The following GRM8 variants were observed in gnomAD, a reference collection of about 807,000 sequenced individuals.
GRM8 encodes metabotropic glutamate receptor 8.
Under a neutral mutation model 87.2 loss-of-function variants are expected in GRM8, and 47 were observed. The observed-to-expected ratio is 0.54, with a 90% CI of 0.43 to 0.69. GRM8 has a LOEUF of 0.69. Among genes scored for constraint, GRM8 ranks in the 30% least tolerant of loss-of-function variants. GRM8 has a pLI of 0.00. For missense variants in GRM8, 1,019 were observed against 1,139.2 expected (o/e 0.89, Z 1.52); for synonymous variants, 396 against 404.5 (o/e 0.98, Z 0.25).
At chr7:127,057,300 G>T (rs1184326300) in intron 3 of GRM8, among the ~76,000 whole-genome samples, 7 of 152,144 alleles carry the variant, frequency 4.6e-5, no homozygotes, top group Non-Finnish European at 8.8e-5. Context: ...ATCCATCTTG[G>T]TTCTAGTCTA....
intron 8 of GRM8, among the ~76,000 whole-genome samples, chr7:126,599,456 T>C (rs2151068864): frequency 6.6e-6 from 1 of 152,244 alleles, no homozygotes; most frequent in South Asian, 2.1e-4. Flanking sequence ...ATTTTTGGTT[T>C]ATTAATTTAT....
intron 3 of GRM8, among the ~76,000 whole-genome samples, chr7:127,065,009 T>C (rs1338048709): frequency 6.6e-6 from 1 of 152,206 alleles, no homozygotes; most frequent in Non-Finnish European, 1.5e-5. Context: ...GCAATCCCAT[T>C]ACTGGGTATA....
chr7:126,977,874 G>A (rs1027507903), intron 3 of GRM8, among the ~76,000 whole-genome samples: 1 of 152,130 alleles, frequency 6.6e-6, no homozygotes, highest in African/African-American at 2.4e-5. Context: ...ACAGGTTGGA[G>A]ACAAGGACTA....
intron 6 of GRM8, among the ~76,000 whole-genome samples, chr7:126,799,946 C>T (rs1010866095): frequency 1.3e-5 from 2 of 151,988 alleles, no homozygotes; most frequent in African/African-American, 4.8e-5. Flanking sequence ...TCCTTCTCAT[C>T]CCAAGGAGAC....
At chr7:126,832,845 T>C (rs1287475156) in intron 6 of GRM8, among the ~76,000 whole-genome samples, 2 of 152,230 alleles carry the variant, frequency 1.3e-5, no homozygotes, top group Non-Finnish European at 2.9e-5. Flanking sequence ...ACAGCATATG[T>C]TGAATAGCTG....
At chr7:127,097,911 G>C (rs1333997605) in intron 3 of GRM8, among the ~76,000 whole-genome samples, 1 of 152,192 alleles carries the variant, frequency 6.6e-6, no homozygotes, top group African/African-American at 2.4e-5. Context: ...GCTGTTTGCT[G>C]TTTCATATTA....
At chr7:126,978,243 GA>G (rs1811201949) in intron 3 of GRM8, among the ~76,000 whole-genome samples, 1 of 151,976 alleles carries the variant, frequency 6.6e-6, no homozygotes, top group Non-Finnish European at 1.5e-5. Context: ...AGAGGAAAAG[GA>G]GAAGAGAATC....
chr7:126,701,285 C>G (rs746523373), intron 7 of GRM8, among the ~76,000 whole-genome samples: 30 of 152,234 alleles, frequency 2.0e-4, no homozygotes, highest in Non-Finnish European at 3.5e-4. Flanking sequence ...ACATCCTGCA[C>G]GCTGGAGCAC....
At chr7:126,707,337 A>C (rs1810631336) in intron 7 of GRM8, among the ~76,000 whole-genome samples, 1 of 152,166 alleles carries the variant, frequency 6.6e-6, no homozygotes, top group Non-Finnish European at 1.5e-5. Context: ...ACTGACTTTC[A>C]GAATTTCAGA....
chr7:127,027,138 T>A (rs1816867289), intron 3 of GRM8, among the ~76,000 whole-genome samples: 1 of 152,228 alleles, frequency 6.6e-6, no homozygotes, highest in Non-Finnish European at 1.5e-5. Flanking sequence ...AAAGATCAGA[T>A]GGTTGTAGAT....
rs547051094 is a variant in GRM8 at position 126,832,186 on chromosome 7, G to A, written c.1157-62121C>T. 9.6e-3 allele frequency among the ~76,000 whole-genome samples: 1,403 copies of A among 145,596 alleles called. 12 individuals carry two copies. The highest frequency in any genetic ancestry group is 0.033 in the African/African-American group (1,302 of 39,274). On this transcript the variant is annotated intron_variant, in intron 6 of 10. Coordinates refer to ENST00000339582, the MANE Select transcript of GRM8 (RefSeq NM_000845.3). ...TGCCATCTTCCAAAAAAAAAAAAAA[G>A]AAAAAGAAAAGATAAAGAAAGAAAA...
chr7:126,599,627 T>C (rs577338007), intron 8 of GRM8, among the ~76,000 whole-genome samples: 23 of 152,224 alleles, frequency 1.5e-4, no homozygotes, highest in African/African-American at 5.1e-4. Context: ...TTTTGACCCA[T>C]TTGTACTGAA....
intron 1 of GRM8, among the ~76,000 whole-genome samples, chr7:127,246,130 G>A (rs1385659052): frequency 1.3e-5 from 2 of 152,156 alleles, no homozygotes; most frequent in Non-Finnish European, 2.9e-5. Flanking sequence ...TCCACTGCCA[G>A]AAGGTTTAGT....
intron 7 of GRM8, among the ~76,000 whole-genome samples, chr7:126,690,488 C>T (rs1194871745): frequency 1.3e-5 from 2 of 152,224 alleles, no homozygotes; most frequent in Non-Finnish European, 1.5e-5. Flanking sequence ...AGCTTGAAGA[C>T]ACCAGGAACC....
intron 9 of GRM8, among the ~76,000 whole-genome samples, chr7:126,481,146 A>G (rs1159819187): frequency 6.6e-6 from 1 of 152,120 alleles, no homozygotes; most frequent in East Asian, 1.9e-4. Context: ...AAATATTTGA[A>G]TAAATAAATT....
chr7:127,034,808 A>G (rs183781519), intron 3 of GRM8, among the ~76,000 whole-genome samples: 83 of 152,312 alleles, frequency 5.4e-4, no homozygotes, highest in African/African-American at 2.0e-3. Flanking sequence ...TTTTTTGGAA[A>G]AGAAAAGAAC....
chr7:126,951,346 GAC>G (rs2131606629), intron 3 of GRM8, among the ~76,000 whole-genome samples: 1 of 152,168 alleles, frequency 6.6e-6, no homozygotes, highest in South Asian at 2.1e-4. Context: ...AGGATGGAGT[GAC>G]AGATACTGCC....
intron 7 of GRM8, among the ~76,000 whole-genome samples, chr7:126,619,968 G>T (rs539815112): frequency 2.6e-5 from 4 of 152,226 alleles, no homozygotes; most frequent in Admixed American, 2.6e-4. Flanking sequence ...CAGAATTACA[G>T]GCATGAATAA....
intron 6 of GRM8, among the ~76,000 whole-genome samples, chr7:126,875,218 A>C (rs1415730817): frequency 6.6e-6 from 1 of 152,190 alleles, no homozygotes; most frequent in South Asian, 2.1e-4. Context: ...ATGTGGAATA[A>C]GTCAAGGAAG....
Sources: gnomAD v4.1 joint callset for allele counts (sites outside exome capture counted in the v4.1 genomes callset) on GRCh38, gnomAD v4.1.1 for gene constraint, MANE v1.5 for transcripts, NCBI Gene and HGNC (gene_info 2026-07-23, HGNC 2026-07-21) for gene names.